Variants in ERC2 observed in about 807,000 individuals in gnomAD.
The protein encoded by ERC2 is ELKS/RAB6-interacting/CAST family member 2, also known as ERC protein 2.
In ERC2, 42 loss-of-function variants were observed where a neutral mutation model predicts 114.8. The ratio of observed to expected loss-of-function variants is 0.37; its 90% CI spans 0.29 to 0.47. The LOEUF (loss-of-function observed/expected upper bound fraction) is 0.47. Ranked by LOEUF, ERC2 falls within the 20% of genes least tolerant of loss-of-function variation. The pLI, the probability that ERC2 is intolerant of heterozygous loss-of-function variation, is 0.99. For missense variants in ERC2, 939 were observed against 1,150.7 expected (o/e 0.82, Z 2.66); for synonymous variants, 454 against 425.5 (o/e 1.07, Z -0.82).
intron 13 of ERC2, among the ~76,000 whole-genome samples, chr3:55,923,245 C>T (rs773032374): frequency 6.6e-6 from 1 of 152,036 alleles, no homozygotes; most frequent in African/African-American, 2.4e-5. Flanking sequence ...CACAGATGAA[C>T]CCTGAAGACA....
chr3:56,011,439 G>C lies in ERC2; in HGVS notation c.1780-850C>G, dbSNP rs867166834. Among the ~76,000 whole-genome samples the C allele has an allele frequency of 4.6e-5, 7 of 152,048 alleles. No individual in the cohort carries two copies. The South Asian group carries it at 1.5e-3, about 32-fold the overall frequency. On this transcript the variant is annotated intron_variant, in intron 8 of 17. Transcript: ENST00000288221. Reference sequence around the variant, plus strand: ...TAAACAGAACGCCTCCCACATCCCAGGCTCTCTGACTGTCAGCCACACCCA... The same window carrying C: ...TAAACAGAACGCCTCCCACATCCCACGCTCTCTGACTGTCAGCCACACCCA...
intron 14 of ERC2, among the ~76,000 whole-genome samples, chr3:55,835,452 T>G (rs375433811): frequency 1.1e-4 from 17 of 151,816 alleles, no homozygotes; most frequent in East Asian, 2.0e-4. Flanking sequence ...TTCAATATAC[T>G]CAAATCAATA....
chr3:55,913,314 T>C (rs1450078545), intron 13 of ERC2, among the ~76,000 whole-genome samples: 1 of 152,200 alleles, frequency 6.6e-6, no homozygotes, highest in Non-Finnish European at 1.5e-5. Flanking sequence ...GGGGGTCTTA[T>C]GGTTATTTCC....
chr3:55,852,930 G>C (rs2061635761), intron 14 of ERC2, among the ~76,000 whole-genome samples: 1 of 152,184 alleles, frequency 6.6e-6, no homozygotes, highest in South Asian at 2.1e-4. Context: ...TGTTGCAGGA[G>C]GCTGTCCTGT....
chr3:55,769,317 C>A (rs2068036307), intron 14 of ERC2, among the ~76,000 whole-genome samples: 1 of 152,012 alleles, frequency 6.6e-6, no homozygotes, highest in African/African-American at 2.4e-5. Context: ...TGATAGTGAA[C>A]CAGCCTGGAT....
At chr3:55,568,392 A>C (rs1453830470) in intron 17 of ERC2, among the ~76,000 whole-genome samples, 3 of 152,162 alleles carry the variant, frequency 2.0e-5, no homozygotes, top group Non-Finnish European at 4.4e-5. Flanking sequence ...TCTCAAAATT[A>C]ATATGTCCAA....
intron 13 of ERC2, among the ~76,000 whole-genome samples, chr3:55,946,837 G>T (rs975837652): frequency 1.3e-5 from 2 of 152,186 alleles, no homozygotes; most frequent in Non-Finnish European, 2.9e-5. Flanking sequence ...AGATAGTGGT[G>T]ATTTCCTCTG....
At position 56,353,614 on chromosome 3, in the gene ERC2, T is replaced by C. The variant is rs898644959; in HGVS notation, c.658-57179A>G. 2.4e-5 allele frequency among the ~76,000 whole-genome samples: 3 copies of C among 126,892 alleles called. No homozygotes were observed. In the South Asian group the frequency reaches 7.4e-4, roughly 31 times the overall value. 83.2% of individuals were successfully genotyped at this position (126,892 alleles called of 152,430 possible). On this transcript the variant is annotated intron_variant, in intron 2 of 17. Coordinates refer to ENST00000288221, the MANE Select transcript of ERC2 (RefSeq NM_015576.3). ...GGTGGGAATTGAACAATGAGAACAC[T>C]TGGACACAGGGAGGGGAACATCACA...
intron 15 of ERC2, among the ~76,000 whole-genome samples, chr3:55,716,975 G>A (rs2064156971): frequency 6.6e-6 from 1 of 152,150 alleles, no homozygotes. Flanking sequence ...ATGCTGATCT[G>A]TCAACCAGAT....
intron 1 of ERC2, among the ~76,000 whole-genome samples, chr3:56,463,736 T>C (rs1471931258): frequency 1.3e-5 from 2 of 152,340 alleles, no homozygotes; most frequent in South Asian, 2.1e-4. Flanking sequence ...TATCCATGTG[T>C]GCCCCTACAT....
chr3:55,536,324 G>A (rs1200506479), intron 17 of ERC2, among the ~76,000 whole-genome samples: 1 of 152,148 alleles, frequency 6.6e-6, no homozygotes, highest in African/African-American at 2.4e-5. Context: ...TGAGTTAGAT[G>A]ATTGTTGCCC....
intron 17 of ERC2, among the ~76,000 whole-genome samples, chr3:55,665,035 C>T (rs1013568216): frequency 1.3e-5 from 2 of 152,148 alleles, no homozygotes; most frequent in African/African-American, 4.8e-5. Context: ...GGTGTCTTTA[C>T]AGCCACATTC....
At chr3:55,765,111 T>G (rs886489115) in intron 14 of ERC2, among the ~76,000 whole-genome samples, 1 of 152,164 alleles carries the variant, frequency 6.6e-6, no homozygotes, top group African/African-American at 2.4e-5. Flanking sequence ...CTGAGTCTCC[T>G]ACAAGTCCAC....
rs147667345 is a variant in ERC2, at chr3:56,203,018, T to A, written c.1075-29498A>T. Among the ~76,000 whole-genome samples, 1,176 of 152,316 alleles carry A rather than the reference T, an allele frequency of 7.7e-3. 16 individuals are homozygous for A. The highest frequency in any genetic ancestry group is 0.027 in the African/African-American group (1,105 of 41,574). On this transcript the variant is annotated intron_variant, in intron 3 of 17. Transcript: ENST00000288221. The stretch of plus-strand genomic sequence containing the variant: ...CAACCACTGACATTGAAATCACACA[T>A]GTCTTAGGTCTAAAGAATCATGGGC...
At chr3:55,897,524 T>C (rs760244920) in intron 13 of ERC2, among the ~76,000 whole-genome samples, 32 of 152,148 alleles carry the variant, frequency 2.1e-4, no homozygotes, top group Non-Finnish European at 3.8e-4. Flanking sequence ...ACAGAACCAA[T>C]GAAATCCCCA....
chr3:56,215,421 TC>T (rs1164202204), intron 3 of ERC2, among the ~76,000 whole-genome samples: 3 of 152,148 alleles, frequency 2.0e-5, no homozygotes, highest in African/African-American at 7.2e-5. Flanking sequence ...GGTAAAGGGA[TC>T]AATTCAACAA....
intron 2 of ERC2, among the ~76,000 whole-genome samples, chr3:56,403,151 CCTT>C (rs530663334): frequency 2.8e-4 from 43 of 152,154 alleles, no homozygotes; most frequent in Non-Finnish European, 6.0e-4. Context: ...GTAGAAGTGC[CCTT>C]CTTCTGTATT....
chr3:56,418,168 C>T (rs758447364), intron 2 of ERC2, among the ~76,000 whole-genome samples: 32 of 151,770 alleles, frequency 2.1e-4, no homozygotes, highest in Non-Finnish European at 3.7e-4. Context: ...CATGTTGGTA[C>T]ATGCCTGTAG....
intron 17 of ERC2, among the ~76,000 whole-genome samples, chr3:55,617,015 C>T (rs941336226): frequency 1.3e-5 from 2 of 152,026 alleles, no homozygotes; most frequent in African/African-American, 2.4e-5. Context: ...CAGGCTTTGC[C>T]GATGGAAGGC....
Sources: allele counts gnomAD v4.1 joint callset (sites outside exome capture counted in the v4.1 genomes callset), GRCh38; gene constraint gnomAD v4.1.1; transcripts MANE v1.5; gene names NCBI Gene and HGNC (gene_info 2026-07-23, HGNC 2026-07-21).